OR5A1: variants seen among roughly 807,000 people sequenced by gnomAD.
OR5A1 encodes olfactory receptor family 5 subfamily A member 1.
In OR5A1, 6 loss-of-function variants were observed where a neutral mutation model predicts 6.7. The ratio of observed to expected loss-of-function variants is 0.89; its 90% CI spans 0.49 to 1.76. The LOEUF (loss-of-function observed/expected upper bound fraction) is 1.76, where lower values mean the gene tolerates loss of function less well. OR5A1 is among the 40% of genes most tolerant of loss of function. The pLI is 0.01. For synonymous variants in OR5A1, 170 were observed against 155.0 expected (o/e 1.10, Z -0.72); for missense variants, 378 against 381.7 (o/e 0.99, Z 0.08).
chr11:59,440,945 G>T (rs1043974655), intron 1 of OR5A1, among the ~76,000 whole-genome samples: 3 of 152,150 alleles, frequency 2.0e-5, no homozygotes, highest in African/African-American at 7.2e-5. Context: ...AAATGTGAGG[G>T]GTTTAGCAAT....
chr11:59,439,037 G>A lies in OR5A1; in HGVS notation c.-34+2202G>A, dbSNP rs550759395. Among the ~76,000 whole-genome samples the A allele has an allele frequency of 1.1e-4, 16 of 152,254 alleles. No homozygotes were observed. The East Asian group carries it at 3.1e-3, about 29-fold the overall frequency. ...TTATGAAGTGAAGGACACCAGATCA[G>A]GATTGGCGGGGAAATCACAGAACAC... On this transcript the variant is annotated intron_variant, in intron 1 of 1. Transcript: ENST00000641045.
At position 59,450,782 on chromosome 11, in the gene OR5A1, T is replaced by C. The variant is rs1049057835; in HGVS notation, c.*6666T>C. On this transcript the variant is annotated 3_prime_UTR_variant, in exon 2 of 2. Coordinates refer to ENST00000641045, the MANE Select transcript of OR5A1 (RefSeq NM_001004728.2). ...ATAACATCATGTGACATATTCAGTG[T>C]TTTAATCTGTCACTAAAAAGAAATC... 11 of 152,348 alleles carry C rather than the reference T, an allele frequency of 7.2e-5. No homozygotes were observed. Among genetic ancestry groups the C allele is most frequent in the African/African-American group, 2.4e-4 (10 of 41,584 alleles). 9.4% of individuals were successfully genotyped at this position (152,348 alleles called of 1,614,324 possible). A position where few individuals can be genotyped will look rare whatever the true frequency, so the allele number is the denominator to read the frequency against.
At position 59,443,840 on chromosome 11, in the gene OR5A1, A is replaced by G; in HGVS notation, c.672A>G (p.Ile224Met). ...AACTCCTTATCTCCTATGGTTACAT[A>G]GTGTCTGCGGTCCTGAAGATCCCTT... ...FLQLLISYGY[I>M]VSAVLKIPSA... The change falls in exon 2 of 2, where the codon ATA becomes ATG. Residue 224 changes from isoleucine to methionine, a missense_variant. Physicochemically the swap from Ile to Met is conservative, Grantham distance 10. Transcript: ENST00000641045. The G allele has an allele frequency of 1.5e-5, 25 of 1,614,068 alleles. No individual in the cohort carries two copies. The highest frequency in any genetic ancestry group is 2.1e-5 in the Non-Finnish European group (25 of 1,180,010).
chr11:59,443,738 G>A lies in OR5A1; in HGVS notation c.570G>A (p.Leu190=), dbSNP rs762337270. 1.2e-6 allele frequency: 2 copies of A among 1,613,968 alleles called. No homozygotes were observed. The highest frequency in any genetic ancestry group is 1.7e-5 in the Admixed American group (1 of 59,994). The change falls in exon 2 of 2, where the codon CTG becomes CTA. Residue 190 remains leucine (L), a synonymous_variant. Coordinates refer to ENST00000641045, the MANE Select transcript of OR5A1 (RefSeq NM_001004728.2). ...GCGACCTCCCACCAGTCCTGGCTCT[G>A]TCTTGCTCTGACACCTTCCTCAGTC... is the stretch of plus-strand genomic sequence containing the variant. The part of the protein sequence containing the change: ...FFCDLPPVLA[L]SCSDTFLSQV...
In OR5A1 at chr11:59,445,812, T is replaced by C. The variant is rs1858541840; in HGVS notation, c.*1696T>C. ...TTGTTGGCCATACAAATGTCTTCTT[T>C]TGAGAAGTGTCTGTTCATGTCATTT... On this transcript the variant is annotated 3_prime_UTR_variant, in exon 2 of 2. Coordinates refer to ENST00000641045, the MANE Select transcript of OR5A1 (RefSeq NM_001004728.2). 1 of 152,232 alleles carries C rather than the reference T, an allele frequency of 6.6e-6. No homozygotes were observed. The highest frequency in any genetic ancestry group is 1.5e-5 in the Non-Finnish European group (1 of 68,044). The allele number at this position is 152,232 out of a possible 1,614,324, so 9.4% of individuals were successfully genotyped here. A position where few individuals can be genotyped will look rare whatever the true frequency, so the allele number is the denominator to read the frequency against.
intron 1 of OR5A1, among the ~76,000 whole-genome samples, chr11:59,439,836 A>G (rs764539778): frequency 2.6e-5 from 4 of 152,212 alleles, no homozygotes; most frequent in East Asian, 3.9e-4. Flanking sequence ...TGCATGGTCC[A>G]TTAGTGAACT....
In OR5A1 at chr11:59,445,445, T is replaced by C. The variant is rs1273814558; in HGVS notation, c.*1329T>C. The C allele has an allele frequency of 6.6e-6, 1 of 152,222 alleles. No homozygotes were observed. Among genetic ancestry groups the C allele is most frequent in the Non-Finnish European group, 1.5e-5 (1 of 68,032 alleles). 9.4% of individuals were successfully genotyped at this position (152,222 alleles called of 1,614,324 possible). A position where few individuals can be genotyped will look rare whatever the true frequency, so the allele number is the denominator to read the frequency against. On this transcript the variant is annotated 3_prime_UTR_variant, in exon 2 of 2. Transcript: ENST00000641045. Reference sequence around the variant, plus strand: ...TTGGGTTGATTCCATGTCTTTGCTATTGTGAATAGTGCTGCAATGAACATA... The same window carrying C: ...TTGGGTTGATTCCATGTCTTTGCTACTGTGAATAGTGCTGCAATGAACATA...
intron 1 of OR5A1, among the ~76,000 whole-genome samples, chr11:59,438,062 A>G (rs924675425): frequency 2.6e-5 from 4 of 152,118 alleles, no homozygotes; most frequent in South Asian, 2.1e-4. Context: ...TGCTCTCACC[A>G]TATGAGATGT....
rs927807799 is a variant in OR5A1 at position 59,445,520 on chromosome 11, T to C, written c.*1404T>C. On this transcript the variant is annotated 3_prime_UTR_variant, in exon 2 of 2. Transcript: ENST00000641045. ...AATTATTTATATTCCTTTGGATATATACCCAGTAATAAGATTGCTGGGTCA... is the reference window on the plus strand; with the variant it reads ...AATTATTTATATTCCTTTGGATATACACCCAGTAATAAGATTGCTGGGTCA... 1 of 152,210 alleles carries C rather than the reference T, an allele frequency of 6.6e-6. No homozygotes were observed. Among genetic ancestry groups the C allele is most frequent in the African/African-American group, 2.4e-5 (1 of 41,460 alleles). The allele number at this position is 152,210 out of a possible 1,614,324, so 9.4% of individuals were successfully genotyped here. A position where few individuals can be genotyped will look rare whatever the true frequency, so the allele number is the denominator to read the frequency against.
chr11:59,446,735 G>A lies in OR5A1; in HGVS notation c.*2619G>A, dbSNP rs1858554002. ...TACCCTTTCATTTCAGGCACTCACA[G>A]TGGAATTGTCCCACACAACTATTTC... On this transcript the variant is annotated 3_prime_UTR_variant, in exon 2 of 2. Coordinates refer to ENST00000641045, the MANE Select transcript of OR5A1 (RefSeq NM_001004728.2). The A allele has an allele frequency of 6.6e-6, 1 of 152,212 alleles. No homozygotes were observed. The highest frequency in any genetic ancestry group is 1.5e-5 in the Non-Finnish European group (1 of 68,052). 9.4% of individuals were successfully genotyped at this position (152,212 alleles called of 1,614,324 possible). A position where few individuals can be genotyped will look rare whatever the true frequency, so the allele number is the denominator to read the frequency against.
chr11:59,443,930 G>A lies in OR5A1; in HGVS notation c.762G>A (p.Leu254=), dbSNP rs1374098623. ...CASHLMVVTL[L]FGTALFVYLR... ...CGCATCTGATGGTGGTGACTCTGCTGTTTGGGACAGCCCTTTTCGTGTACT... is the reference window on the plus strand; with the variant it reads ...CGCATCTGATGGTGGTGACTCTGCTATTTGGGACAGCCCTTTTCGTGTACT... Residue 254 remains leucine, a synonymous_variant, in exon 2 of 2, where the codon CTG becomes CTA. Coordinates refer to ENST00000641045, the MANE Select transcript of OR5A1 (RefSeq NM_001004728.2). 6 of 1,614,146 alleles carry A rather than the reference G, an allele frequency of 3.7e-6. No homozygotes were observed. Among genetic ancestry groups the A allele is most frequent in the South Asian group, 1.1e-5 (1 of 91,072 alleles).
At chr11:59,443,089 T>G in intron 1 of OR5A1, 47 bp from the exon 2 acceptor site, 1 of 1,052,588 alleles carries the variant, frequency 9.5e-7, no homozygotes, top group Admixed American at 2.0e-5. Flanking sequence ...CATTTTGTAG[T>G]TATTTGCTAA....
chr11:59,440,436 G>C (rs549531413), intron 1 of OR5A1, among the ~76,000 whole-genome samples: 16 of 152,212 alleles, frequency 1.1e-4, no homozygotes, highest in Non-Finnish European at 2.2e-4. Context: ...TAAATGAGTT[G>C]CCCAACATCC....
In OR5A1 at chr11:59,443,910, C is replaced by A; in HGVS notation, c.742C>A (p.Leu248Met). ...AGCCTGCAACACGTGTGCCTCGCAT[C>A]TGATGGTGGTGACTCTGCTGTTTGG... ...WKACNTCASH[L>M]MVVTLLFGTA... is the part of the protein sequence containing the mutation. The change falls in exon 2 of 2, where the codon CTG (leucine) becomes ATG (methionine). Residue 248 changes from leucine to methionine, a missense_variant. Coordinates refer to ENST00000641045, the MANE Select transcript of OR5A1 (RefSeq NM_001004728.2). 1 of 1,614,134 alleles carries A rather than the reference C, an allele frequency of 6.2e-7. No homozygotes were observed. Among genetic ancestry groups the A allele is most frequent in the Non-Finnish European group, 8.5e-7 (1 of 1,180,026 alleles).
intron 1 of OR5A1, among the ~76,000 whole-genome samples, chr11:59,440,207 T>C (rs1051068210): frequency 6.6e-6 from 1 of 152,108 alleles, no homozygotes; most frequent in Non-Finnish European, 1.5e-5. Flanking sequence ...GGACCACAGC[T>C]GTATGCCACC....
In OR5A1 at chr11:59,445,140, A is replaced by G. The variant is rs1478713972; in HGVS notation, c.*1024A>G. The G allele has an allele frequency of 6.6e-6, 1 of 151,988 alleles. No homozygotes were observed. The highest frequency in any genetic ancestry group is 1.9e-4 in the East Asian group (1 of 5,196). The allele number at this position is 151,988 out of a possible 1,614,324, so 9.4% of individuals were successfully genotyped here. On this transcript the variant is annotated 3_prime_UTR_variant, in exon 2 of 2. Transcript: ENST00000641045. ...GTATTAAGCCCCACATCCGTTAGCT[A>G]TTTATCCCGATGCTCTCCCTCCTCC...
chr11:59,443,922 A>G lies in OR5A1; in HGVS notation c.754A>G (p.Thr252Ala), dbSNP rs778408198. The change falls in exon 2 of 2, where the codon ACT (threonine) becomes GCT (alanine). Residue 252 changes from threonine to alanine, a missense_variant. Thr to Ala is a moderately conservative substitution (Grantham distance 58). Coordinates refer to ENST00000641045, the MANE Select transcript of OR5A1 (RefSeq NM_001004728.2). ...NTCASHLMVV[T>A]LLFGTALFVY... ...GTGTGCCTCGCATCTGATGGTGGTG[A>G]CTCTGCTGTTTGGGACAGCCCTTTT... The G allele has an allele frequency of 1.9e-6, 3 of 1,613,726 alleles. No homozygotes were observed. Among genetic ancestry groups the G allele is most frequent in the Non-Finnish European group, 8.5e-7 (1 of 1,179,936 alleles).
Position 59,446,824 on chromosome 11 carries a change from T to C in OR5A1, c.*2708T>C, listed in dbSNP as rs1253078732. 6.6e-6 allele frequency: 1 copy of C among 152,210 alleles called. No individual in the cohort carries two copies. The highest frequency in any genetic ancestry group is 1.5e-5 in the Non-Finnish European group (1 of 68,048). 9.4% of individuals were successfully genotyped at this position (152,210 alleles called of 1,614,324 possible). A position where few individuals can be genotyped will look rare whatever the true frequency, so the allele number is the denominator to read the frequency against. On this transcript the variant is annotated 3_prime_UTR_variant, in exon 2 of 2. Transcript: ENST00000641045. ...TCACTTTTCCATTGATGTAGGTCAA[T>C]TGGATAAGTAGATATTTGATTTGAT...
intron 1 of OR5A1, among the ~76,000 whole-genome samples, chr11:59,441,326 T>C (rs1387316386): frequency 6.6e-6 from 1 of 152,202 alleles, no homozygotes; most frequent in East Asian, 1.9e-4. Flanking sequence ...TTTCAGGAGA[T>C]AGATAATAAT....
Sources: gnomAD v4.1 joint callset for allele counts (sites outside exome capture counted in the v4.1 genomes callset) on GRCh38, gnomAD v4.1.1 for gene constraint, MANE v1.5 for transcripts, NCBI Gene and HGNC (gene_info 2026-07-23, HGNC 2026-07-21) for gene names.